Variants in USP24 observed in about 807,000 individuals in gnomAD.
USP24 encodes the protein ubiquitin carboxyl-terminal hydrolase 24.
In USP24, 97 loss-of-function variants were observed where a neutral mutation model predicts 361.6. That is an observed-to-expected ratio of 0.27 (90% confidence interval 0.23 to 0.32). The LOEUF (loss-of-function observed/expected upper bound fraction) is 0.32. USP24 is among the 10% of genes least tolerant of loss of function. The pLI, the probability that USP24 is intolerant of heterozygous loss-of-function variation, is 1.00. For missense variants in USP24, 2,353 were observed against 3,165.6 expected (o/e 0.74, Z 6.16); for synonymous variants, 1,098 against 1,124.6 (o/e 0.98, Z 0.47).
At chr1:55,151,987 G>C (rs1647208145) in intron 16 of USP24, 1 of 985,644 alleles carries the variant, frequency 1.0e-6, no homozygotes, top group South Asian at 4.7e-5. Flanking sequence ...TGGCAGGAAA[G>C]GGCATAGCAT....
intron 24 of USP24, among the ~76,000 whole-genome samples, chr1:55,141,147 TTTTAATTAATC>T (rs548529211): frequency 2.2e-3 from 337 of 152,306 alleles, no homozygotes; most frequent in African/African-American, 7.8e-3. Flanking sequence ...TAATGCATAC[TTTTAATTAATC>T]ATCTTCTACT....
At position 55,083,821 on chromosome 1, in the gene USP24, C is replaced by T; in HGVS notation, c.6833G>A (p.Cys2278Tyr). ...GAAAAAGTACTGAGCACAGTTTTTA[C>T]AATTTTCTGGGACGTCTTTGTCCAA... ...ALLDKDVPENCKNCAQYFFLF... is the reference protein window; with the variant it reads ...ALLDKDVPENYKNCAQYFFLF... Residue 2278 changes from cysteine (C) to tyrosine (Y), a missense_variant, in exon 57 of 68, where the codon TGT (cysteine) becomes TAT (tyrosine). Cys to Tyr is a radical substitution (Grantham distance 194). Transcript: ENST00000294383. The T allele has an allele frequency of 6.2e-7, 1 of 1,605,276 alleles. No individual in the cohort carries two copies. The highest frequency in any genetic ancestry group is 2.2e-5 in the East Asian group (1 of 44,654).
chr1:55,112,086 TAGAAA>T (rs1396634524), intron 38 of USP24, among the ~76,000 whole-genome samples: 46 of 152,146 alleles, frequency 3.0e-4, no homozygotes, highest in Non-Finnish European at 5.4e-4. Flanking sequence ...GAGGGAAAAT[TAGAAA>T]ATATATTAAG....
chr1:55,101,794 TCA>T, intron 42 of USP24, 91 bp from the exon 43 acceptor site: 2 of 1,414,526 alleles, frequency 1.4e-6, no homozygotes, highest in Non-Finnish European at 9.3e-7. Context: ...GGAGATATAT[TCA>T]CAGATTTACC....
At chr1:55,111,997 T>G (rs1238790681) in intron 38 of USP24, among the ~76,000 whole-genome samples, 4 of 151,994 alleles carry the variant, frequency 2.6e-5, no homozygotes, top group Non-Finnish European at 5.9e-5. Flanking sequence ...ATAACTATAT[T>G]TGAGAAATTC....
intron 1 of USP24, among the ~76,000 whole-genome samples, chr1:55,199,401 T>C (rs1161501580): frequency 6.6e-6 from 1 of 152,132 alleles, no homozygotes; most frequent in Non-Finnish European, 1.5e-5. Flanking sequence ...GATATTGCAG[T>C]ATAAGTGGAG....
At chr1:55,112,230 C>T (rs747185816) in intron 38 of USP24, among the ~76,000 whole-genome samples, 15 of 152,142 alleles carry the variant, frequency 9.9e-5, no homozygotes, top group South Asian at 6.2e-4. Flanking sequence ...ACCAGCTCCT[C>T]GATTCACTGA....
chr1:55,087,231 A>G (rs1306337296), intron 55 of USP24, among the ~76,000 whole-genome samples: 1 of 152,256 alleles, frequency 6.6e-6, no homozygotes, highest in Non-Finnish European at 1.5e-5. Context: ...AATCATAGCA[A>G]TTGATAGTGA....
intron 1 of USP24, among the ~76,000 whole-genome samples, chr1:55,201,509 G>A (rs926980519): frequency 6.7e-6 from 1 of 149,762 alleles, no homozygotes; most frequent in African/African-American, 2.5e-5. Flanking sequence ...GCTGAGGCAG[G>A]GGAATCGCCT....
intron 8 of USP24, among the ~76,000 whole-genome samples, chr1:55,161,455 T>A (rs1417442386): frequency 6.6e-6 from 1 of 151,964 alleles, no homozygotes; most frequent in African/African-American, 2.4e-5. Flanking sequence ...TCTCCCTTAT[T>A]AAAATGGCCC....
At position 55,106,176 on chromosome 1, in the gene USP24, G is replaced by A. The variant is rs1645767655; in HGVS notation, c.4850C>T (p.Ala1617Val). The change falls in exon 41 of 68, where the codon GCC becomes GTC. Residue 1617 changes from alanine to valine, a missense_variant. Around this residue, in one of 8 missense-constraint regions of USP24, gnomAD observed 949 missense variants for 1,280.5 expected, o/e 0.74. Coordinates refer to ENST00000294383, the MANE Select transcript of USP24 (RefSeq NM_015306.3). ...ATGAAAGTCCTGTTGACTGATGGCG[G>A]CACTGCCAGCTGGAGAATGACTATT... The part of the protein sequence containing the change: ...ILNSHSPAGS[A>V]AISQQDFHPK... 1 of 1,613,822 alleles carries A rather than the reference G, an allele frequency of 6.2e-7. No homozygotes were observed. The highest frequency in any genetic ancestry group is 8.5e-7 in the Non-Finnish European group (1 of 1,179,726).
intron 1 of USP24, among the ~76,000 whole-genome samples, chr1:55,178,493 C>A (rs1650217087): frequency 6.6e-6 from 1 of 151,690 alleles, no homozygotes; most frequent in East Asian, 1.9e-4. Flanking sequence ...ACGGTGAAAC[C>A]CCGTCTCTAT....
At chr1:55,082,313 T>C (rs1269887152) in intron 58 of USP24, among the ~76,000 whole-genome samples, 3 of 152,216 alleles carry the variant, frequency 2.0e-5, no homozygotes, top group East Asian at 1.9e-4. Flanking sequence ...CTGCTTAATT[T>C]TGATGAACTG....
At chr1:55,080,148 G>C (rs547140067) in intron 59 of USP24, among the ~76,000 whole-genome samples, 1 of 152,290 alleles carries the variant, frequency 6.6e-6, no homozygotes, top group African/African-American at 2.4e-5. Flanking sequence ...ATGCTAAGCA[G>C]AATCAACCCA....
At chr1:55,138,299 C>T (rs762674434) in intron 26 of USP24, among the ~76,000 whole-genome samples, 1 of 152,148 alleles carries the variant, frequency 6.6e-6, no homozygotes, top group African/African-American at 2.4e-5. Flanking sequence ...AATGTCACCA[C>T]CTCAGAGAGA....
At chr1:55,078,327 T>C (rs543030532) in intron 61 of USP24, among the ~76,000 whole-genome samples, 1 of 152,274 alleles carries the variant, frequency 6.6e-6, no homozygotes, top group East Asian at 1.9e-4. Context: ...CTCATTTCTA[T>C]GCTTAAATTT....
chr1:55,138,874 A>C, intron 25 of USP24, 70 bp downstream of exon 25: 1 of 1,512,964 alleles, frequency 6.6e-7, no homozygotes, highest in Middle Eastern at 1.7e-4. Context: ...GCTGCTAGAA[A>C]GGCTGAGGTG....
chr1:55,079,831 C>T (rs1399836398), intron 59 of USP24, among the ~76,000 whole-genome samples, 172 bp from the exon 60 acceptor site: 1 of 151,326 alleles, frequency 6.6e-6, no homozygotes, highest in Non-Finnish European at 1.5e-5. Context: ...AGTACTTGCA[C>T]ACACAGTACT....
intron 20 of USP24, among the ~76,000 whole-genome samples, chr1:55,145,213 T>G (rs1434741128): frequency 2.6e-5 from 4 of 152,208 alleles, no homozygotes. Context: ...CATGAATGTT[T>G]ACAGCAGTAT....
Sources: gnomAD v4.1 joint callset for allele counts (sites outside exome capture counted in the v4.1 genomes callset) on GRCh38, gnomAD v4.1.1 for gene constraint, gnomAD v4.1.1 regional missense constraint, MANE v1.5 for transcripts, NCBI Gene and HGNC (gene_info 2026-07-23, HGNC 2026-07-21) for gene names.